Variants in RICTOR observed in about 807,000 individuals in gnomAD.
RICTOR encodes the protein rapamycin-insensitive companion of mTOR.
A neutral mutation model predicts 214.9 loss-of-function variants in RICTOR; 49 were observed. That is an observed-to-expected ratio of 0.23 (90% CI 0.18 to 0.29). The LOEUF is 0.29. Ranked by LOEUF, RICTOR falls within the 10% of genes least tolerant of loss-of-function variation. The pLI, the probability that RICTOR is intolerant of heterozygous loss-of-function variation, is 1.00. For missense variants in RICTOR, 1,625 were observed against 2,047.0 expected (o/e 0.79, Z 3.98); for synonymous variants, 717 against 711.3 (o/e 1.01, Z -0.13).
intron 2 of RICTOR, among the ~76,000 whole-genome samples, chr5:39,028,131 A>G (rs1393373016): frequency 1.3e-5 from 2 of 151,268 alleles, no homozygotes; most frequent in Non-Finnish European, 1.5e-5. Context: ...ATCAAGAAGA[A>G]TGACAACATC....
At chr5:39,049,092 C>A (rs933267828) in intron 2 of RICTOR, among the ~76,000 whole-genome samples, 1 of 151,976 alleles carries the variant, frequency 6.6e-6, no homozygotes, top group Admixed American at 6.6e-5. Flanking sequence ...AGGTGAGAAT[C>A]TGAATTTAAA....
chr5:39,009,687 A>G (rs1045779205), intron 3 of RICTOR, among the ~76,000 whole-genome samples: 1 of 151,622 alleles, frequency 6.6e-6, no homozygotes, highest in African/African-American at 2.4e-5. Flanking sequence ...TCAGTCTTAA[A>G]TGAAAAACCT....
chr5:39,035,062 A>G (rs1756570214), intron 2 of RICTOR, among the ~76,000 whole-genome samples: 1 of 152,160 alleles, frequency 6.6e-6, no homozygotes. Context: ...CCTAACTGGG[A>G]GGCACCCTCC....
Position 38,950,724 on chromosome 5 carries a change from T to G in RICTOR, c.3128-4A>C. On this transcript the variant is annotated splice_polypyrimidine_tract_variant and splice_region_variant and intron_variant, in intron 30 of 37. Transcript: ENST00000357387. ...TCATCCTCCAATATGAACATACCTA[T>G]GATTGAAGGATCAATTAATAAAAAC... is the stretch of plus-strand genomic sequence containing the variant. 1 of 1,551,994 alleles carries G rather than the reference T, an allele frequency of 6.4e-7. No individual in the cohort carries two copies. Among genetic ancestry groups the G allele is most frequent in the Non-Finnish European group, 8.7e-7 (1 of 1,151,182 alleles).
rs139869888 is a variant in RICTOR at position 39,045,610 on chromosome 5, C to T, written c.98-24474G>A. Among the ~76,000 whole-genome samples, 166 of 152,240 alleles carry T rather than the reference C, an allele frequency of 1.1e-3. 1 individual carries two copies. In the South Asian group the frequency reaches 0.014, roughly 13 times the overall value. On this transcript the variant is annotated intron_variant, in intron 2 of 37. Coordinates refer to ENST00000357387, the MANE Select transcript of RICTOR (RefSeq NM_152756.5). ...AAATGAACCCTGTGAAAGAATGGAA[C>T]AGCTGTGCCTAAAGGCTGAGACATT...
chr5:39,025,947 G>A (rs1755785866), intron 2 of RICTOR, among the ~76,000 whole-genome samples: 1 of 152,174 alleles, frequency 6.6e-6, no homozygotes, highest in East Asian at 1.9e-4. Context: ...AAAGTAGTGA[G>A]CAAGCTGAGA....
At chr5:38,962,776 TGAAGA>T (rs1263171630) in intron 17 of RICTOR, 95 bp downstream of exon 17, 2 of 1,008,114 alleles carry the variant, frequency 2.0e-6, no homozygotes, top group Non-Finnish European at 3.0e-6. Flanking sequence ...TTCATATGCA[TGAAGA>T]GAAGTGTAAA....
chr5:39,013,463 C>T (rs1050472324), intron 3 of RICTOR, among the ~76,000 whole-genome samples: 1 of 152,018 alleles, frequency 6.6e-6, no homozygotes, highest in Non-Finnish European at 1.5e-5. Flanking sequence ...AAAGTTACAA[C>T]AGAACTGTAT....
chr5:38,978,564 A>T lies in RICTOR; in HGVS notation c.821+19T>A. ...CATATACATTATCTTAAAAATTATT[A>T]GGAACCAATGTTACTTACTTGAGCT... is the stretch of plus-strand genomic sequence containing the variant. On this transcript the variant is annotated intron_variant, in intron 9 of 37. Coordinates refer to ENST00000357387, the MANE Select transcript of RICTOR (RefSeq NM_152756.5). 7.2e-7 allele frequency: 1 copy of T among 1,379,916 alleles called. No homozygotes were observed. The highest frequency in any genetic ancestry group is 1.0e-6 in the Non-Finnish European group (1 of 983,414). 85.5% of individuals were successfully genotyped at this position (1,379,916 alleles called of 1,614,324 possible). A position where few individuals can be genotyped will look rare whatever the true frequency, so the allele number is the denominator to read the frequency against.
intron 26 of RICTOR, 43 bp downstream of exon 26, chr5:38,955,552 A>G (rs1317160352): frequency 9.8e-7 from 1 of 1,021,990 alleles, no homozygotes; most frequent in African/African-American, 1.6e-5. Flanking sequence ...GTTAAAAATA[A>G]TTTATGATGA....
intron 2 of RICTOR, among the ~76,000 whole-genome samples, chr5:39,056,576 G>T (rs2150197473): frequency 6.6e-6 from 1 of 152,116 alleles, no homozygotes; most frequent in Middle Eastern, 3.4e-3. Context: ...GGTCGAGGCT[G>T]CAGCGAGCCA....
intron 3 of RICTOR, among the ~76,000 whole-genome samples, chr5:39,013,837 C>T (rs912345867): frequency 2.0e-5 from 3 of 152,088 alleles, no homozygotes; most frequent in Non-Finnish European, 4.4e-5. Flanking sequence ...GATATATATA[C>T]ACACATACAC....
intron 19 of RICTOR, 124 bp from the exon 20 acceptor site, chr5:38,960,657 T>C (rs929578100): frequency 3.3e-6 from 3 of 914,834 alleles, no homozygotes; most frequent in African/African-American, 3.4e-5. Flanking sequence ...TTGGGATAAA[T>C]GGCAAGAAAT....
chr5:38,955,915 A>C (rs758646975), intron 25 of RICTOR, among the ~76,000 whole-genome samples: 1 of 151,988 alleles, frequency 6.6e-6, no homozygotes, highest in Non-Finnish European at 1.5e-5. Context: ...TGAGCTCCAG[A>C]TCCACATTTT....
intron 3 of RICTOR, among the ~76,000 whole-genome samples, chr5:39,016,175 G>A (rs140337120): frequency 6.6e-6 from 1 of 152,056 alleles, no homozygotes; most frequent in African/African-American, 2.4e-5. Context: ...TTGCACCAAG[G>A]CCAGAGGGAT....
At chr5:38,990,890 C>T in intron 7 of RICTOR, 59 bp downstream of exon 7, 4 of 1,055,856 alleles carry the variant, frequency 3.8e-6, no homozygotes, top group African/African-American at 1.7e-5. Context: ...ATATATATCT[C>T]AAATGTTATA....
chr5:38,990,746 A>ATATATAT (rs1164554083), intron 7 of RICTOR, among the ~76,000 whole-genome samples: 4 of 113,594 alleles, frequency 3.5e-5, no homozygotes, highest in African/African-American at 9.5e-5. Flanking sequence ...GATATATATG[A>ATATATAT]GATATATGAT....
chr5:38,992,079 T>C (rs987089521), intron 6 of RICTOR, among the ~76,000 whole-genome samples: 3 of 152,118 alleles, frequency 2.0e-5, no homozygotes, highest in African/African-American at 7.2e-5. Flanking sequence ...GTTTGATCAG[T>C]AGTTGTAAGT....
chr5:38,991,482 A>G (rs1752771769), intron 6 of RICTOR, among the ~76,000 whole-genome samples: 1 of 152,018 alleles, frequency 6.6e-6, no homozygotes, highest in Non-Finnish European at 1.5e-5. Flanking sequence ...ATCATCACCA[A>G]GTCCTACCAA....
Sources: gnomAD v4.1 joint callset for allele counts (sites outside exome capture counted in the v4.1 genomes callset) on GRCh38, gnomAD v4.1.1 for gene constraint, MANE v1.5 for transcripts, NCBI Gene and HGNC (gene_info 2026-07-23, HGNC 2026-07-21) for gene names.